The following IPMK variants were observed in gnomAD, a reference collection of about 807,000 sequenced individuals.
IPMK encodes inositol polyphosphate multikinase.
A neutral mutation model predicts 45.8 loss-of-function variants in IPMK; 17 were observed. The ratio of observed to expected loss-of-function variants is 0.37; its 90% CI spans 0.25 to 0.56. The LOEUF (loss-of-function observed/expected upper bound fraction) is 0.56, where lower values mean the gene tolerates loss of function less well. IPMK is among the 20% of genes least tolerant of loss of function. The pLI is 0.79. For synonymous variants in IPMK, 180 were observed against 184.3 expected (o/e 0.98, Z 0.19); for missense variants, 399 against 498.0 (o/e 0.80, Z 1.89).
intron 1 of IPMK, among the ~76,000 whole-genome samples, chr10:58,262,201 A>T (rs189265774): frequency 1.3e-5 from 2 of 152,256 alleles, no homozygotes; most frequent in African/African-American, 4.8e-5. Context: ...TATGTAACAA[A>T]CCTGCACGTT....
At chr10:58,212,085 C>T (rs1175503378) in intron 4 of IPMK, among the ~76,000 whole-genome samples, 3 of 151,664 alleles carry the variant, frequency 2.0e-5, no homozygotes, top group Non-Finnish European at 4.4e-5. Context: ...GTATAAGGTC[C>T]ACTTCAGATG....
chr10:58,253,592 G>C, intron 1 of IPMK, among the ~76,000 whole-genome samples: 1 of 151,854 alleles, frequency 6.6e-6, no homozygotes, highest in Non-Finnish European at 1.5e-5. Context: ...CAAAAAATTA[G>C]CTGGGCATGG....
At chr10:58,237,223 G>A (rs1250612009) in intron 2 of IPMK, among the ~76,000 whole-genome samples, 1 of 152,148 alleles carries the variant, frequency 6.6e-6, no homozygotes, top group African/African-American at 2.4e-5. Flanking sequence ...AGAGACTGGA[G>A]GGTATGAGAA....
intron 1 of IPMK, among the ~76,000 whole-genome samples, chr10:58,243,411 G>A (rs373634541): frequency 5.9e-5 from 9 of 152,146 alleles, no homozygotes; most frequent in African/African-American, 1.9e-4. Context: ...CCTCTCTTGC[G>A]GAGCCTGGAC....
chr10:58,225,038 G>A (rs1283581190), intron 3 of IPMK, among the ~76,000 whole-genome samples: 1 of 152,180 alleles, frequency 6.6e-6, no homozygotes, highest in Non-Finnish European at 1.5e-5. Flanking sequence ...AAGTAGGAAA[G>A]AAGTAGAAAA....
chr10:58,260,100 A>G (rs1489279995), intron 1 of IPMK, among the ~76,000 whole-genome samples: 1 of 152,192 alleles, frequency 6.6e-6, no homozygotes, highest in African/African-American at 2.4e-5. Flanking sequence ...CTGACATCCT[A>G]TGTCTTATGA....
chr10:58,233,651 T>G (rs1476232736), intron 2 of IPMK, among the ~76,000 whole-genome samples: 1 of 151,954 alleles, frequency 6.6e-6, no homozygotes, highest in Non-Finnish European at 1.5e-5. Context: ...ATAAACTAGA[T>G]ATTGATGGAA....
rs566786690 is a variant in IPMK, at chr10:58,249,865, T to C, written c.191-12051A>G. Among the ~76,000 whole-genome samples the C allele has an allele frequency of 7.9e-5, 12 of 152,312 alleles. No homozygotes were observed. The South Asian group carries it at 1.9e-3, about 24-fold the overall frequency. On this transcript the variant is annotated intron_variant, in intron 1 of 5. Transcript: ENST00000373935. The stretch of plus-strand genomic sequence containing the variant: ...CAAATACATATTGGTTTTTTATATA[T>C]GGTAAGGGATACAGATCTAGTTTCA...
chr10:58,267,345 G>A, intron 1 of IPMK, 77 bp downstream of exon 1: 5 of 1,460,122 alleles, frequency 3.4e-6, no homozygotes, highest in Non-Finnish European at 4.8e-6. Context: ...AGGCCCGAGA[G>A]CGCTAGGCTG....
chr10:58,196,693 A>G lies in IPMK; in HGVS notation c.634T>C (p.Ser212Pro). 6.4e-7 allele frequency: 1 copy of G among 1,566,410 alleles called. No individual in the cohort carries two copies. The change falls in exon 6 of 6, where the codon TCC becomes CCC. Residue 212 changes from serine to proline, a missense_variant. By Grantham distance (74) the Ser-to-Pro change is moderately conservative (BLOSUM62 -1). Transcript: ENST00000373935. ...CAGTACCCATTATGAAAAAATCTGG[A>G]GACTCCTATAAAAAGAAAAATATGA... ...LTKETIKDGV[S>P]RFFHNGYCLR...
At chr10:58,214,919 T>C (rs1398435711) in intron 4 of IPMK, among the ~76,000 whole-genome samples, 1 of 152,218 alleles carries the variant, frequency 6.6e-6, no homozygotes, top group Non-Finnish European at 1.5e-5. Flanking sequence ...GCTGTGACTT[T>C]GCCTTTCCTA....
intron 1 of IPMK, among the ~76,000 whole-genome samples, chr10:58,266,609 T>C (rs919825043): frequency 1.3e-5 from 2 of 152,100 alleles, no homozygotes; most frequent in African/African-American, 4.8e-5. Flanking sequence ...CACATACTCA[T>C]CCATCAGATT....
intron 1 of IPMK, among the ~76,000 whole-genome samples, chr10:58,245,056 A>AT (rs572913536): frequency 0.12 from 16,619 of 143,008 alleles, 1,272 homozygotes; most frequent in African/African-American, 0.24. Context: ...AAAAAAAAAA[A>AT]AATAATAAAA....
At chr10:58,245,750 G>A (rs1270496372) in intron 1 of IPMK, among the ~76,000 whole-genome samples, 1 of 151,446 alleles carries the variant, frequency 6.6e-6, no homozygotes, top group Non-Finnish European at 1.5e-5. Flanking sequence ...GCACAAGACA[G>A]GGATGCCCTC....
At chr10:58,241,724 C>G (rs1838698605) in intron 1 of IPMK, among the ~76,000 whole-genome samples, 1 of 152,092 alleles carries the variant, frequency 6.6e-6, no homozygotes, top group African/African-American at 2.4e-5. Context: ...AGCTAACTCT[C>G]TAGTGCCTTT....
chr10:58,236,447 TA>T (rs1437173139), intron 2 of IPMK, among the ~76,000 whole-genome samples: 2 of 152,116 alleles, frequency 1.3e-5, no homozygotes, highest in African/African-American at 4.8e-5. Context: ...TAAAAAGACT[TA>T]AGTAGGTTTT....
At chr10:58,232,125 G>C (rs1249138870) in intron 2 of IPMK, among the ~76,000 whole-genome samples, 2 of 152,160 alleles carry the variant, frequency 1.3e-5, no homozygotes, top group African/African-American at 4.8e-5. Flanking sequence ...TCAACAAGAA[G>C]AGTTAACTAT....
chr10:58,223,812 G>A (rs2790238), intron 3 of IPMK, among the ~76,000 whole-genome samples: 51,015 of 151,574 alleles, frequency 0.34, 10,760 homozygotes, highest in African/African-American at 0.61. Context: ...GAATTCTCAC[G>A]AGATCTGATA....
At chr10:58,197,181 T>C (rs968990970) in intron 5 of IPMK, among the ~76,000 whole-genome samples, 2 of 151,330 alleles carry the variant, frequency 1.3e-5, no homozygotes, top group African/African-American at 4.9e-5. Context: ...GCACCTGTAG[T>C]CCCAGCTACT....
Sources: gnomAD v4.1 joint callset for allele counts (sites outside exome capture counted in the v4.1 genomes callset) on GRCh38, gnomAD v4.1.1 for gene constraint, MANE v1.5 for transcripts, NCBI Gene and HGNC (gene_info 2026-07-23, HGNC 2026-07-21) for gene names.